Variants in JADE3 observed in about 807,000 individuals in gnomAD.
JADE3 encodes the protein jade family PHD finger 3, also known as protein Jade-3.
In JADE3, 2 loss-of-function variants were observed where a neutral mutation model predicts 50.1. That is an observed-to-expected ratio of 0.04 (90% CI 0.02 to 0.13). JADE3 has a LOEUF of 0.13. Among genes scored for constraint, JADE3 ranks in the 10% least tolerant of loss-of-function variants. The pLI is 1.00. For synonymous variants in JADE3, 218 were observed against 232.9 expected, an observed-to-expected ratio of 0.94 and a Z score of 0.58; for missense variants, 475 against 634.4, an observed-to-expected ratio of 0.75 and a Z score of 2.70.
chrX:47,055,969 C>T (rs1443155542), intron 9 of JADE3, 113 bp from the exon 10 acceptor site: 1 of 445,456 alleles, frequency 2.2e-6, no homozygotes, highest in Non-Finnish European at 4.0e-6. Flanking sequence ...TGGATTCTGT[C>T]TTCTCTCCTC....
At chrX:47,028,849 A>G (rs1232546031) in intron 6 of JADE3, among the ~76,000 whole-genome samples, 15 of 111,143 alleles carry the variant, frequency 1.3e-4, no homozygotes, top group African/African-American at 4.9e-4. Flanking sequence ...CCTATCTCCC[A>G]TGTTTCAGCC....
intron 1 of JADE3, among the ~76,000 whole-genome samples, chrX:46,928,342 A>C (rs782610267): frequency 9.0e-6 from 1 of 111,499 alleles, no homozygotes; most frequent in Admixed American, 9.6e-5. Flanking sequence ...TTTCCTCATT[A>C]AGTCCTGTCT....
intron 1 of JADE3, among the ~76,000 whole-genome samples, chrX:46,962,909 G>C (rs1170154536): frequency 9.4e-6 from 1 of 106,577 alleles, no homozygotes; most frequent in Non-Finnish European, 1.9e-5. Context: ...CTCAGTCTCC[G>C]CTCACTGCAA....
At chrX:47,002,589 T>C (rs1928310571) in intron 4 of JADE3, among the ~76,000 whole-genome samples, 1 of 109,932 alleles carries the variant, frequency 9.1e-6, no homozygotes, top group African/African-American at 3.3e-5. Flanking sequence ...ACATGGTCAT[T>C]GCTAGTACAT....
chrX:47,048,790 C>A (rs1377162371), intron 8 of JADE3, among the ~76,000 whole-genome samples: 2 of 111,332 alleles, frequency 1.8e-5, no homozygotes, highest in African/African-American at 6.6e-5. Context: ...ATATTGAAAA[C>A]CATTGAAATG....
Position 47,057,778 on chromosome X carries a change from A to C in JADE3, c.1562-389A>C, listed in dbSNP as rs781826074. Among the ~76,000 whole-genome samples, 37 of 112,067 alleles carry C rather than the reference A, an allele frequency of 3.3e-4. 1 individual carries two copies. Among genetic ancestry groups the C allele is most frequent in the Middle Eastern group, 4.6e-3 (1 of 219 alleles). ...ATGTGTGTGTTTAAGACACATACTA[A>C]GTGCTGTGCCATACCAACACATGCA... On this transcript the variant is annotated intron_variant, in intron 10 of 10. Coordinates refer to ENST00000614628, the MANE Select transcript of JADE3 (RefSeq NM_014735.5).
intron 1 of JADE3, among the ~76,000 whole-genome samples, chrX:46,919,507 C>G (rs1232524505): frequency 2.7e-5 from 3 of 112,137 alleles, no homozygotes; most frequent in African/African-American, 9.7e-5. Flanking sequence ...ATTTAAAAAT[C>G]TTCCTGTGGT....
intron 6 of JADE3, among the ~76,000 whole-genome samples, chrX:47,032,779 A>G (rs1302769113): frequency 9.0e-6 from 1 of 111,043 alleles, no homozygotes; most frequent in Non-Finnish European, 1.9e-5. Flanking sequence ...TTGTGGGGGG[A>G]CCGATATTAT....
At chrX:46,985,856 CA>C (rs1927850511) in intron 3 of JADE3, 64 bp downstream of exon 3, 2 of 764,658 alleles carry the variant, frequency 2.6e-6, no homozygotes. Flanking sequence ...TCCAAAACCT[CA>C]TGTTGAAATT....
At position 47,001,832 on chromosome X, in the gene JADE3, G is replaced by A. The variant is rs955354418; in HGVS notation, c.284+3555G>A. On this transcript the variant is annotated intron_variant, in intron 4 of 10. Coordinates refer to ENST00000614628, the MANE Select transcript of JADE3 (RefSeq NM_014735.5). ...ACCCCATGGTATGAAGTTACTCTCA[G>A]ACTTGCCTTTTAACTAGGAACTAGT... Among the ~76,000 whole-genome samples the A allele has an allele frequency of 8.0e-5, 9 of 111,838 alleles. No individual in the cohort carries two copies. The East Asian group carries it at 2.5e-3, about 31-fold the overall frequency.
At position 47,052,633 on chromosome X, in the gene JADE3, CAAAAAAAAAAAAA is replaced by C. The variant is rs1195947563; in HGVS notation, c.973-1511_973-1499del. 1.6e-4 allele frequency among the ~76,000 whole-genome samples: 3 copies of C among 18,925 alleles called. No homozygotes were observed. The East Asian group carries it at 4.5e-3, about 28-fold the overall frequency. 16.4% of individuals were successfully genotyped at this position (18,925 alleles called of 115,157 possible). On this transcript the variant is annotated intron_variant, in intron 8 of 10. Coordinates refer to ENST00000614628, the MANE Select transcript of JADE3 (RefSeq NM_014735.5). Reference sequence around the variant, plus strand: ...TCAGCAACAGAGTGAGACTCTGTCTCAAAAAAAAAAAAAAAAAAAAAAAAAACTTTCCACAGTG... The same window carrying C: ...TCAGCAACAGAGTGAGACTCTGTCTCAAAAAAAAAAAAACTTTCCACAGTG...
chrX:46,968,839 C>T (rs1927422329), intron 1 of JADE3, among the ~76,000 whole-genome samples: 1 of 111,310 alleles, frequency 9.0e-6, no homozygotes, highest in African/African-American at 3.3e-5. Context: ...CACAATTATG[C>T]TTGAGAATGT....
intron 3 of JADE3, 101 bp from the exon 4 acceptor site, chrX:46,998,019 G>A: frequency 1.5e-6 from 1 of 650,953 alleles, no homozygotes; most frequent in Non-Finnish European, 2.3e-6. Flanking sequence ...TTCTCTTGTT[G>A]GAAGCAGAGT....
intron 8 of JADE3, among the ~76,000 whole-genome samples, chrX:47,048,979 C>T (rs782366141): frequency 9.0e-6 from 1 of 111,575 alleles, no homozygotes; most frequent in Non-Finnish European, 1.9e-5. Context: ...GAGAACAGTG[C>T]TATCTCAATT....
At chrX:46,914,700 A>G (rs781812621) in intron 1 of JADE3, among the ~76,000 whole-genome samples, 1 of 112,148 alleles carries the variant, frequency 8.9e-6, no homozygotes, top group African/African-American at 3.2e-5. Context: ...CTGTCCAGTC[A>G]ATTCTGGAAT....
At chrX:47,007,807 TTGTGTGTGTGTGTGTGTG>T (rs782728907) in intron 4 of JADE3, among the ~76,000 whole-genome samples, 27 of 70,808 alleles carry the variant, frequency 3.8e-4, no homozygotes, top group East Asian at 5.2e-4. Context: ...TCCTTTTATT[TTGTGTGTGTGTGTGTGTG>T]TGTGTGTGTG....
chrX:46,936,833 T>A (rs1356816252), intron 1 of JADE3, among the ~76,000 whole-genome samples: 3 of 111,612 alleles, frequency 2.7e-5, no homozygotes, highest in African/African-American at 9.8e-5. Context: ...ATTAGTAATT[T>A]GAGTGTTCTT....
intron 1 of JADE3, among the ~76,000 whole-genome samples, chrX:46,950,018 C>T (rs1320792922): frequency 2.7e-5 from 3 of 111,788 alleles, no homozygotes; most frequent in African/African-American, 9.8e-5. Flanking sequence ...AAGAAACAAA[C>T]TATTCATAAG....
At chrX:46,930,117 G>A (rs1926459068) in intron 1 of JADE3, among the ~76,000 whole-genome samples, 1 of 112,339 alleles carries the variant, frequency 8.9e-6, no homozygotes, top group African/African-American at 3.2e-5. Context: ...ACTTTGGTCA[G>A]TAAAACATGG....
Sources: gnomAD v4.1 joint callset for allele counts (sites outside exome capture counted in the v4.1 genomes callset) on GRCh38, gnomAD v4.1.1 for gene constraint, MANE v1.5 for transcripts, NCBI Gene and HGNC (gene_info 2026-07-23, HGNC 2026-07-21) for gene names.